Variants in CYP7B1 observed in about 807,000 individuals in gnomAD.
CYP7B1 encodes the protein cytochrome P450 family 7 subfamily B member 1.
Under a neutral mutation model 42.7 loss-of-function variants are expected in CYP7B1, and 29 were observed. The ratio of observed to expected loss-of-function variants is 0.68; its 90% confidence interval spans 0.51 to 0.93. The LOEUF (loss-of-function observed/expected upper bound fraction) is 0.93. Ranked by LOEUF, CYP7B1 falls within the 40% of genes least tolerant of loss-of-function variation. CYP7B1 has a pLI of 0.00. For synonymous variants in CYP7B1, 235 were observed against 218.2 expected (o/e 1.08, Z -0.68); for missense variants, 655 against 600.5 (o/e 1.09, Z -0.95).
At chr8:64,674,869 T>C (rs1411961644) in intron 1 of CYP7B1, among the ~76,000 whole-genome samples, 1 of 152,164 alleles carries the variant, frequency 6.6e-6, no homozygotes, top group African/African-American at 2.4e-5. Context: ...TGAATAGCAA[T>C]ATTTGTAAAT....
In CYP7B1 at chr8:64,668,123, C is replaced by T. The variant is rs185412632; in HGVS notation, c.123-43584G>A. ...ACAGCAGTGTTTGAGATGTTTGGGG[C>T]TTTACCTTTGATGAATACATGACAT... On this transcript the variant is annotated intron_variant, in intron 1 of 5. Transcript: ENST00000310193. 3.3e-4 allele frequency among the ~76,000 whole-genome samples: 50 copies of T among 152,268 alleles called. No homozygotes were observed. In the South Asian group the frequency reaches 5.2e-3, roughly 16 times the overall value.
chr8:64,743,420 T>C (rs1460444206), intron 1 of CYP7B1, among the ~76,000 whole-genome samples: 1 of 152,180 alleles, frequency 6.6e-6, no homozygotes, highest in Non-Finnish European at 1.5e-5. Context: ...AGGGCTGCCG[T>C]AACAAAACAC....
intron 5 of CYP7B1, among the ~76,000 whole-genome samples, chr8:64,598,724 G>C (rs1037817003): frequency 3.3e-5 from 5 of 152,140 alleles, no homozygotes; most frequent in Non-Finnish European, 7.3e-5. Context: ...CCTTCAGCTA[G>C]TGTTTATATT....
At chr8:64,669,059 C>A (rs1459923807) in intron 1 of CYP7B1, among the ~76,000 whole-genome samples, 1 of 152,132 alleles carries the variant, frequency 6.6e-6, no homozygotes, top group African/African-American at 2.4e-5. Flanking sequence ...TTATCTTCAA[C>A]ATGACAGATA....
At chr8:64,737,867 A>G (rs1445572408) in intron 1 of CYP7B1, among the ~76,000 whole-genome samples, 1 of 152,204 alleles carries the variant, frequency 6.6e-6, no homozygotes, top group Non-Finnish European at 1.5e-5. Context: ...GATTGGTGGC[A>G]GCAGTAACTG....
chr8:64,701,235 G>A (rs1433412480), intron 1 of CYP7B1, among the ~76,000 whole-genome samples: 1 of 151,884 alleles, frequency 6.6e-6, no homozygotes, highest in African/African-American at 2.4e-5. Context: ...TGTTAACCTG[G>A]GTTCACCAGT....
chr8:64,623,911 A>G (rs763449380), intron 2 of CYP7B1, among the ~76,000 whole-genome samples: 1 of 152,160 alleles, frequency 6.6e-6, no homozygotes, highest in Non-Finnish European at 1.5e-5. Flanking sequence ...TGTAATGTAA[A>G]TCATGGATTT....
chr8:64,761,726 C>A (rs955286538), intron 1 of CYP7B1, among the ~76,000 whole-genome samples: 1 of 152,072 alleles, frequency 6.6e-6, no homozygotes, highest in African/African-American at 2.4e-5. Flanking sequence ...GTGTTTTACA[C>A]CAGAATGCAC....
At chr8:64,637,459 A>C (rs1370013632) in intron 1 of CYP7B1, among the ~76,000 whole-genome samples, 1 of 152,202 alleles carries the variant, frequency 6.6e-6, no homozygotes, top group East Asian at 1.9e-4. Flanking sequence ...CAACTGGGAA[A>C]ATAACATTCT....
chr8:64,739,408 G>A (rs1807536893), intron 1 of CYP7B1, among the ~76,000 whole-genome samples: 1 of 152,136 alleles, frequency 6.6e-6, no homozygotes, highest in Non-Finnish European at 1.5e-5. Flanking sequence ...CAAAAGTGGA[G>A]ACAAAAACGA....
At chr8:64,758,218 G>C (rs1807835500) in intron 1 of CYP7B1, among the ~76,000 whole-genome samples, 1 of 152,082 alleles carries the variant, frequency 6.6e-6, no homozygotes, top group Non-Finnish European at 1.5e-5. Context: ...ATAAATGGCT[G>C]GAGTGCTGTC....
chr8:64,662,997 A>C (rs1207750502), intron 1 of CYP7B1, among the ~76,000 whole-genome samples: 1 of 152,180 alleles, frequency 6.6e-6, no homozygotes, highest in Non-Finnish European at 1.5e-5. Flanking sequence ...TAATTCTGGA[A>C]CACAGGCCAT....
intron 1 of CYP7B1, among the ~76,000 whole-genome samples, chr8:64,629,433 G>A (rs2129630550): frequency 1.3e-5 from 2 of 152,154 alleles, no homozygotes; most frequent in East Asian, 3.8e-4. Context: ...AGTGCTTAAA[G>A]ATGTAATATA....
At chr8:64,784,985 A>C (rs1471265659) in intron 1 of CYP7B1, among the ~76,000 whole-genome samples, 1 of 152,242 alleles carries the variant, frequency 6.6e-6, no homozygotes, top group Non-Finnish European at 1.5e-5. Flanking sequence ...AATATCCAAA[A>C]TATACAAAGA....
At chr8:64,752,365 A>T (rs143718604) in intron 1 of CYP7B1, among the ~76,000 whole-genome samples, 1 of 150,924 alleles carries the variant, frequency 6.6e-6, no homozygotes, top group East Asian at 1.9e-4. Context: ...ACTTTCTGTT[A>T]AATAAATTGT....
chr8:64,739,959 C>CT (rs1487196356), intron 1 of CYP7B1, among the ~76,000 whole-genome samples: 2 of 151,960 alleles, frequency 1.3e-5, no homozygotes, highest in Non-Finnish European at 2.9e-5. Flanking sequence ...ATATAGAGAC[C>CT]TTTTTCAGAC....
intron 1 of CYP7B1, among the ~76,000 whole-genome samples, chr8:64,697,058 G>A (rs1028477077): frequency 6.6e-6 from 1 of 152,176 alleles, no homozygotes; most frequent in Non-Finnish European, 1.5e-5. Context: ...GAAAAAAAGG[G>A]TTTTATCTAC....
chr8:64,629,614 T>C (rs1409878285), intron 1 of CYP7B1, among the ~76,000 whole-genome samples: 1 of 152,202 alleles, frequency 6.6e-6, no homozygotes, highest in Non-Finnish European at 1.5e-5. Context: ...GACTTTTTTT[T>C]TTTGAGCAAG....
At chr8:64,613,586 G>A (rs540904846) in intron 4 of CYP7B1, among the ~76,000 whole-genome samples, 16 of 152,066 alleles carry the variant, frequency 1.1e-4, no homozygotes, top group Middle Eastern at 3.2e-3. Flanking sequence ...AGAAAATACT[G>A]TGTATCCAAG....
Sources: allele counts gnomAD v4.1 joint callset (sites outside exome capture counted in the v4.1 genomes callset), GRCh38; gene constraint gnomAD v4.1.1; transcripts MANE v1.5; gene names NCBI Gene and HGNC (gene_info 2026-07-23, HGNC 2026-07-21).